Variants in UBXN11 observed in about 807,000 individuals in gnomAD.
UBXN11 encodes the protein UBX domain protein 11.
In UBXN11, 47 loss-of-function variants were observed where a neutral mutation model predicts 62.8. That is an observed-to-expected ratio of 0.75 (90% CI 0.59 to 0.95). The LOEUF (loss-of-function observed/expected upper bound fraction) is 0.95, where lower values mean the gene tolerates loss of function less well. UBXN11 is among the 40% of genes least tolerant of loss of function. UBXN11 has a pLI of 0.00. For missense variants in UBXN11, 638 were observed against 661.7 expected (o/e 0.96, Z 0.39); for synonymous variants, 294 against 267.0 (o/e 1.10, Z -0.99).
rs764852231 is a variant in UBXN11, at chr1:26,282,374, ACC to A, written c.1486_1487del (p.Gly496SerfsTer?). On this transcript the variant is annotated frameshift_variant, in exon 15 of 15. Transcript: ENST00000374222. LOFTEE classifies it low-confidence loss of function (END_TRUNC). ...CPGPGPGPSP[G>X]PGPGPSPGPG... ...GACCGGGACTGGGGCCGGGACCGGGACCGGGACTGGGGCCGGGACCGGGACCG... is the reference window on the plus strand; with the variant it reads ...GACCGGGACTGGGGCCGGGACCGGGAGGGACTGGGGCCGGGACCGGGACCG... 0.27 allele frequency: 161,142 copies of A among 601,844 alleles called. 13,135 individuals carry two copies. The highest frequency in any genetic ancestry group is 0.38 in the African/African-American group (13,654 of 36,206). The allele number at this position is 601,844 out of a possible 1,614,324, so 37.3% of individuals were successfully genotyped here.
At chr1:26,315,327 G>T (rs11585673) in intron 1 of UBXN11, among the ~76,000 whole-genome samples, 11 of 152,218 alleles carry the variant, frequency 7.2e-5, no homozygotes, top group African/African-American at 2.7e-4. Context: ...CTCTTTGTAA[G>T]AGGGGAGAAG....
intron 8 of UBXN11, among the ~76,000 whole-genome samples, chr1:26,290,557 T>G (rs2073237503): frequency 6.6e-6 from 1 of 151,698 alleles, no homozygotes; most frequent in South Asian, 2.1e-4. Flanking sequence ...GAGGCAGAAG[T>G]GCAGGTGGGG....
upstream of UBXN11, among the ~76,000 whole-genome samples, chr1:26,308,123 G>A (rs931818262): frequency 2.6e-5 from 4 of 151,968 alleles, no homozygotes; most frequent in Admixed American, 2.6e-4. Context: ...AAAATCAGCC[G>A]GGCATGATGG....
Position 26,282,406 on chromosome 1 carries a change from AGGGACC to A in UBXN11, c.1450_1455del (p.Gly484_Pro485del), listed in dbSNP as rs767444371. On this transcript the variant is annotated inframe_deletion, in exon 15 of 15. Coordinates refer to ENST00000374222, the MANE Select transcript of UBXN11 (RefSeq NM_001389556.1). ...CTGGGGCCGGGACCGGGACCGGGAC[AGGGACC>A]AGGACTGAATTTCAGGCTGGACTTC... 5 of 1,526,632 alleles carry A rather than the reference AGGGACC, an allele frequency of 3.3e-6. No individual in the cohort carries two copies. The Admixed American group carries it at 6.1e-5, about 19-fold the overall frequency. 94.6% of individuals were successfully genotyped at this position (1,526,632 alleles called of 1,614,324 possible). A position where few individuals can be genotyped will look rare whatever the true frequency, so the allele number is the denominator to read the frequency against.
chr1:26,298,228 G>A (rs2073443462), intron 4 of UBXN11, among the ~76,000 whole-genome samples, 166 bp from the exon 5 acceptor site: 1 of 152,174 alleles, frequency 6.6e-6, no homozygotes, highest in South Asian at 2.1e-4. Flanking sequence ...TCAACCCCCT[G>A]TAATCCTTGA....
intron 8 of UBXN11, among the ~76,000 whole-genome samples, chr1:26,290,063 C>G (rs1474979156): frequency 2.0e-5 from 3 of 152,232 alleles, no homozygotes; most frequent in African/African-American, 7.2e-5. Flanking sequence ...CTGCAGCTCT[C>G]TCTGGCCCCT....
rs1159470905 is a variant in UBXN11 at position 26,282,327 on chromosome 1, C to CCGGG, written c.1534_1535insCCCG (p.Cys512SerfsTer?). On this transcript the variant is annotated frameshift_variant, in exon 15 of 15. Transcript: ENST00000374222. LOFTEE classifies it high-confidence loss of function. ...TTGGGGGCTGGGACTGGGTCCAGGA[C>CCGGG]AGGGACTGGGGCCGGGACCGGGACC... 47 of 763,592 alleles carry CCGGG rather than the reference C, an allele frequency of 6.2e-5. 1 individual carries two copies. In the East Asian group the frequency reaches 1.9e-3, roughly 30 times the overall value. The allele number at this position is 763,592 out of a possible 1,614,324, so 47.3% of individuals were successfully genotyped here.
At chr1:26,294,354 G>GA in intron 7 of UBXN11, 23 bp from the exon 8 acceptor site, 1 of 1,485,736 alleles carries the variant, frequency 6.7e-7, no homozygotes, top group Non-Finnish European at 9.0e-7. Context: ...AGGGGGAGAT[G>GA]CGGGGCACCG....
chr1:26,289,496 C>T (rs2073208275), intron 8 of UBXN11, among the ~76,000 whole-genome samples: 1 of 152,060 alleles, frequency 6.6e-6, no homozygotes, highest in African/African-American at 2.4e-5. Context: ...ACCCCTTGAG[C>T]TCAGGAGCAT....
At position 26,302,806 on chromosome 1, in the gene UBXN11, T is replaced by C; in HGVS notation, c.71+7A>G. ...GGACAGAAAGACCCCTGAGGCTGGCTCCTTACCCAGGATTCATAGGCTCCG... is the reference window on the plus strand; with the variant it reads ...GGACAGAAAGACCCCTGAGGCTGGCCCCTTACCCAGGATTCATAGGCTCCG... On this transcript the variant is annotated splice_region_variant and intron_variant, in intron 2 of 14. Coordinates refer to ENST00000374222, the MANE Select transcript of UBXN11 (RefSeq NM_001389556.1). 2 of 1,613,358 alleles carry C rather than the reference T, an allele frequency of 1.2e-6. No individual in the cohort carries two copies. The highest frequency in any genetic ancestry group is 2.2e-5 in the South Asian group (2 of 90,990).
At chr1:26,296,505 C>A (rs1229101687) in intron 7 of UBXN11, among the ~76,000 whole-genome samples, 1 of 152,194 alleles carries the variant, frequency 6.6e-6, no homozygotes, top group African/African-American at 2.4e-5. Flanking sequence ...AACAGCACGG[C>A]CCAAGGCCCT....
intron 10 of UBXN11, 23 bp downstream of exon 10, chr1:26,285,441 T>C (rs2124634797): frequency 6.2e-7 from 1 of 1,607,402 alleles, no homozygotes; most frequent in East Asian, 2.2e-5. Flanking sequence ...CCCAAAGGTG[T>C]GGTTTGAGGA....
chr1:26,309,723 T>G (rs1377596559), upstream of UBXN11, among the ~76,000 whole-genome samples: 1 of 152,200 alleles, frequency 6.6e-6, no homozygotes, highest in Non-Finnish European at 1.5e-5. Context: ...AATAGCTGGC[T>G]GTTCCTGCTC....
intron 5 of UBXN11, 69 bp from the exon 6 acceptor site, chr1:26,297,550 C>T: frequency 1.4e-6 from 2 of 1,464,390 alleles, no homozygotes; most frequent in Non-Finnish European, 1.8e-6. Flanking sequence ...CAGGAAGCTC[C>T]AGAGCTTTGC....
intron 1 of UBXN11, among the ~76,000 whole-genome samples, chr1:26,304,000 G>GC (rs1442715009): frequency 6.6e-6 from 1 of 152,068 alleles, no homozygotes; most frequent in Non-Finnish European, 1.5e-5. Context: ...CAGGTGATCC[G>GC]CCCCCCTCGA....
chr1:26,285,709 C>G (rs921112666), intron 9 of UBXN11, 114 bp downstream of exon 9: 54 of 1,425,000 alleles, frequency 3.8e-5, no homozygotes, highest in Middle Eastern at 5.1e-4. Flanking sequence ...CGTGTGTGGG[C>G]CTGGGTGCCC....
chr1:26,282,301 A>C lies in UBXN11; in HGVS notation c.1561T>G (p.Ter521GluextTer?), dbSNP rs2072998447. The C allele has an allele frequency of 1.4e-6, 2 of 1,448,812 alleles. No individual in the cohort carries two copies. The highest frequency in any genetic ancestry group is 2.9e-5 in the Admixed American group (1 of 34,756). 89.7% of individuals were successfully genotyped at this position (1,448,812 alleles called of 1,614,324 possible). A position where few individuals can be genotyped will look rare whatever the true frequency, so the allele number is the denominator to read the frequency against. ...AGCGGGTTGAGGGGGCGGGTGCTTT[A>C]TTGGGGGCTGGGACTGGGTCCAGGA... Reference protein sequence around the residue: ...PCPGPSPSPQ* With the variant: ...PCPGPSPSPQE Residue 521 changes from the stop codon to glutamate (E), a stop_lost, in exon 15 of 15, where the codon TAA becomes GAA. Transcript: ENST00000374222.
rs749227240 is a variant in UBXN11, at chr1:26,318,048, A to G, written c.-150T>C. On this transcript the variant is annotated splice_region_variant and 5_prime_UTR_variant, in exon 1 of 15. Coordinates refer to the UBXN11 transcript ENST00000374217. ...GCGCTTCCTCTTCCTCCTACTCACCATCAGCCTCCTGGTTATGGTACAGGT... is the reference window on the plus strand; with the variant it reads ...GCGCTTCCTCTTCCTCCTACTCACCGTCAGCCTCCTGGTTATGGTACAGGT... 14 of 1,613,926 alleles carry G rather than the reference A, an allele frequency of 8.7e-6. No individual in the cohort carries two copies. The highest frequency in any genetic ancestry group is 1.6e-4 in the Middle Eastern group (1 of 6,084).
At chr1:26,308,819 A>G (rs2073709132), upstream of UBXN11, among the ~76,000 whole-genome samples, 1 of 151,858 alleles carries the variant, frequency 6.6e-6, no homozygotes. Context: ...GATTTACCCC[A>G]TCCCTTCTTC....
Sources: gnomAD v4.1 joint callset for allele counts (sites outside exome capture counted in the v4.1 genomes callset) on GRCh38, gnomAD v4.1.1 for gene constraint, MANE v1.5 for transcripts, NCBI Gene and HGNC (gene_info 2026-07-23, HGNC 2026-07-21) for gene names.